C22orf42: variants seen among roughly 807,000 people sequenced by gnomAD.
C22orf42 encodes the protein chromosome 22 open reading frame 42, also known as uncharacterized protein C22orf42.
Under a neutral mutation model 31.4 loss-of-function variants are expected in C22orf42, and 24 were observed. The observed-to-expected ratio is 0.77, with a 90% CI of 0.55 to 1.08. C22orf42 has a LOEUF of 1.08. Among genes scored for constraint, C22orf42 ranks in the 50% least tolerant of loss-of-function variants. The probability of loss-of-function intolerance (pLI) is 0.00; values close to 1 mark genes in which losing one functional copy is unlikely to be tolerated. For synonymous variants in C22orf42, 96 were observed against 112.7 expected (o/e 0.85, Z 0.94); for missense variants, 276 against 327.3 (o/e 0.84, Z 1.21).
intron 2 of C22orf42, 31 bp from the exon 3 acceptor site, chr22:32,152,657 T>G: frequency 6.2e-7 from 1 of 1,606,148 alleles, no homozygotes; most frequent in Non-Finnish European, 8.5e-7. Flanking sequence ...AGTCAGTGCA[T>G]TGGTGCTGCT....
intron 2 of C22orf42, 49 bp from the exon 3 acceptor site, chr22:32,152,675 C>T (rs748270487): frequency 2.5e-6 from 4 of 1,573,792 alleles, no homozygotes; most frequent in South Asian, 2.2e-5. Context: ...GCTGAGGAAT[C>T]CCACAAGGAG....
intron 1 of C22orf42, among the ~76,000 whole-genome samples, chr22:32,158,496 C>T (rs925603179): frequency 6.6e-6 from 1 of 152,182 alleles, no homozygotes. Flanking sequence ...AGAAGTAAAG[C>T]AGCTTCTGTC....
chr22:32,160,043 A>G (rs574173059), upstream of C22orf42: 1 of 152,360 alleles, frequency 6.6e-6, no homozygotes, highest in East Asian at 1.9e-4. Flanking sequence ...TTTGATGAAG[A>G]TGAACAGTAA....
At chr22:32,154,042 A>AG in intron 2 of C22orf42, among the ~76,000 whole-genome samples, 1 of 140,356 alleles carries the variant, frequency 7.1e-6, no homozygotes, top group Non-Finnish European at 1.5e-5. Flanking sequence ...CACACACACA[A>AG]AAGAACAACT....
Position 32,151,237 on chromosome 22 carries a change from A to G in C22orf42, c.466-218T>C, listed in dbSNP as rs533794564. On this transcript the variant is annotated intron_variant, in intron 5 of 8. Coordinates refer to ENST00000382097, the MANE Select transcript of C22orf42 (RefSeq NM_001010859.3). ...TATGTTGGCTGGCAAATACAAAATT[A>G]TTTTTCAAGGAGAAAAGGTTGCTAC... Among the ~76,000 whole-genome samples, 21 of 152,034 alleles carry G rather than the reference A, an allele frequency of 1.4e-4. 1 individual carries two copies. Among genetic ancestry groups the G allele is most frequent in the African/African-American group, 4.1e-4 (17 of 41,424 alleles).
chr22:32,153,336 G>C (rs897591658), intron 2 of C22orf42, among the ~76,000 whole-genome samples: 16 of 152,082 alleles, frequency 1.1e-4, no homozygotes, highest in African/African-American at 3.9e-4. Flanking sequence ...CTCTACCTTG[G>C]CTACCCACAA....
intron 1 of C22orf42, among the ~76,000 whole-genome samples, chr22:32,155,304 T>C (rs1489086167): frequency 6.6e-6 from 1 of 152,176 alleles, no homozygotes; most frequent in African/African-American, 2.4e-5. Flanking sequence ...ATCCCTGCAT[T>C]TTCACTTTGA....
At chr22:32,150,267 C>T (rs1465154284) in intron 7 of C22orf42, 52 bp downstream of exon 7, 1 of 1,550,742 alleles carries the variant, frequency 6.4e-7, no homozygotes, top group East Asian at 2.3e-5. Context: ...ATTAATAAGG[C>T]AAGAGGACCC....
In C22orf42 at chr22:32,152,063, G is replaced by T. The variant is rs534470724; in HGVS notation, c.400+4C>A. 16 of 1,603,046 alleles carry T rather than the reference G, an allele frequency of 1.0e-5. No individual in the cohort carries two copies. The South Asian group carries it at 1.6e-4, about 16-fold the overall frequency. On this transcript the variant is annotated splice_donor_region_variant and intron_variant, in intron 4 of 8. Coordinates refer to ENST00000382097, the MANE Select transcript of C22orf42 (RefSeq NM_001010859.3). ...ATAAAGCTGTTTAAAAAAAAAATAC[G>T]TACGGTGGTCGTGCTTGGCCTCAGG...
In C22orf42 at chr22:32,149,046, A is replaced by G. The variant is rs1404120596; in HGVS notation, c.*494T>C. ...TTTATTTTCTCACCCTAAAATGGAG[A>G]TAACATCAATATTGTCTCCATCACT... On this transcript the variant is annotated 3_prime_UTR_variant, in exon 9 of 9. Transcript: ENST00000382097. 1.3e-5 allele frequency: 2 copies of G among 152,206 alleles called. No individual in the cohort carries two copies. The highest frequency in any genetic ancestry group is 1.9e-4 in the East Asian group (1 of 5,204). 9.4% of individuals were successfully genotyped at this position (152,206 alleles called of 1,614,324 possible).
intron 2 of C22orf42, 69 bp downstream of exon 2, chr22:32,154,175 A>G: frequency 2.5e-6 from 4 of 1,570,936 alleles, no homozygotes; most frequent in Non-Finnish European, 3.5e-6. Flanking sequence ...TTTCTCTAAT[A>G]TGGAGCACTG....
At chr22:32,153,216 AAAAT>A (rs1340188885) in intron 2 of C22orf42, among the ~76,000 whole-genome samples, 2 of 152,238 alleles carry the variant, frequency 1.3e-5, no homozygotes, top group Admixed American at 6.5e-5. Flanking sequence ...GAACAGAGGA[AAAAT>A]AAATAATGAT....
chr22:32,159,208 C>G lies in C22orf42; in HGVS notation c.8G>C (p.Ser3Thr), dbSNP rs1162939728. MG[S>T]KLTCCLGPSG... ...GGGGCCCAGGCAGCAAGTCAGTTTG[C>G]TCCCCATTGGGCACCTAAACACACA... The change falls in exon 1 of 9, where the codon AGC becomes ACC. Residue 3 changes from serine to threonine, a missense_variant. By Grantham distance (58) the Ser-to-Thr change is moderately conservative. Transcript: ENST00000382097. 2.5e-6 allele frequency: 4 copies of G among 1,613,142 alleles called. No homozygotes were observed. In the African/African-American group the frequency reaches 5.3e-5, roughly 22 times the overall value.
rs2094108526 is a variant in C22orf42, at chr22:32,149,633, C to A, written c.683-20G>T. Reference sequence around the variant, plus strand: ...CCCAGCCTAGGGGAAAAGAACAAGACTTCATCTCAAAAAAAAAATATATAT... The same window carrying A: ...CCCAGCCTAGGGGAAAAGAACAAGAATTCATCTCAAAAAAAAAATATATAT... On this transcript the variant is annotated intron_variant, in intron 8 of 8. Transcript: ENST00000382097. 1.4e-6 allele frequency: 2 copies of A among 1,406,998 alleles called. No homozygotes were observed. The highest frequency in any genetic ancestry group is 9.3e-7 in the Non-Finnish European group (1 of 1,077,362). 87.2% of individuals were successfully genotyped at this position (1,406,998 alleles called of 1,614,324 possible). A position where few individuals can be genotyped will look rare whatever the true frequency, so the allele number is the denominator to read the frequency against.
chr22:32,151,618 G>A (rs1920982473), intron 4 of C22orf42, 67 bp from the exon 5 acceptor site: 1 of 1,509,050 alleles, frequency 6.6e-7, no homozygotes, highest in Non-Finnish European at 9.2e-7. Context: ...GAGCCCTGGG[G>A]GATGTGGACC....
chr22:32,157,971 G>T (rs136403), intron 1 of C22orf42, among the ~76,000 whole-genome samples: 14 of 152,366 alleles, frequency 9.2e-5, no homozygotes, highest in African/African-American at 3.4e-4. Context: ...GGGGGCGGGG[G>T]TTGTTATTGG....
intron 1 of C22orf42, among the ~76,000 whole-genome samples, chr22:32,158,361 C>T (rs5998266): frequency 0.031 from 4,796 of 152,276 alleles, 250 homozygotes; most frequent in African/African-American, 0.11. Flanking sequence ...TGACTAAACT[C>T]TTTGGGTAAA....
At chr22:32,154,097 C>G (rs919081851) in intron 2 of C22orf42, 147 bp downstream of exon 2, 2 of 627,720 alleles carry the variant, frequency 3.2e-6, no homozygotes, top group African/African-American at 3.7e-5. Context: ...TATCATCTAC[C>G]ATTGATTTAA....
Position 32,151,670 on chromosome 22 carries a change from C to T in C22orf42, c.401-119G>A, listed in dbSNP as rs142406981. ...GAGGTGGGCGGTTGACAGGCATGGA[C>T]TGAGCTGCTGCTGGACCATTCTCCT... On this transcript the variant is annotated intron_variant, in intron 4 of 8. Coordinates refer to ENST00000382097, the MANE Select transcript of C22orf42 (RefSeq NM_001010859.3). The T allele has an allele frequency of 1.0e-4, 93 of 901,510 alleles. No homozygotes were observed. In the African/African-American group the frequency reaches 1.3e-3, roughly 13 times the overall value. The allele number at this position is 901,510 out of a possible 1,614,324, so 55.8% of individuals were successfully genotyped here.
Sources: allele counts gnomAD v4.1 joint callset (sites outside exome capture counted in the v4.1 genomes callset), GRCh38; gene constraint gnomAD v4.1.1; transcripts MANE v1.5; gene names NCBI Gene and HGNC (gene_info 2026-07-23, HGNC 2026-07-21).